The following SGCZ variants were observed in gnomAD, a reference collection of about 807,000 sequenced individuals.
The protein encoded by SGCZ is zeta-sarcoglycan.
SGCZ carries 40 observed loss-of-function variants against 41.3 expected under a neutral mutation model. The ratio of observed to expected loss-of-function variants is 0.97; its 90% CI spans 0.75 to 1.26. The LOEUF (loss-of-function observed/expected upper bound fraction) is 1.26, where lower values mean the gene tolerates loss of function less well. Among genes scored for constraint, SGCZ ranks in the 50% most tolerant of loss-of-function variants. The probability of loss-of-function intolerance (pLI) is 0.00; values close to 1 mark genes in which losing one functional copy is unlikely to be tolerated. For synonymous variants in SGCZ, 206 were observed against 137.5 expected, an observed-to-expected ratio of 1.50 and a Z score of -3.49; for missense variants, 552 against 369.8, an observed-to-expected ratio of 1.49 and a Z score of -4.04.
chr8:14,771,804 T>C (rs2130395171), intron 1 of SGCZ, among the ~76,000 whole-genome samples: 1 of 152,266 alleles, frequency 6.6e-6, no homozygotes, highest in South Asian at 2.1e-4. Flanking sequence ...ACATTAATGA[T>C]AAATAATTTG....
At chr8:14,183,386 C>T (rs1395875354) in intron 4 of SGCZ, among the ~76,000 whole-genome samples, 2 of 152,182 alleles carry the variant, frequency 1.3e-5, no homozygotes, top group Non-Finnish European at 2.9e-5. Context: ...ATGGGAAACA[C>T]TCTCCAACAG....
intron 2 of SGCZ, among the ~76,000 whole-genome samples, chr8:14,434,608 G>C (rs918191023): frequency 6.6e-6 from 1 of 152,158 alleles, no homozygotes; most frequent in African/African-American, 2.4e-5. Context: ...AGAATAGGAT[G>C]TGTTTCAATT....
At chr8:14,425,729 T>G (rs766562214) in intron 2 of SGCZ, among the ~76,000 whole-genome samples, 27 of 152,210 alleles carry the variant, frequency 1.8e-4, no homozygotes, top group Non-Finnish European at 3.4e-4. Context: ...TTTGCTATGT[T>G]TCTTAGTTTT....
intron 2 of SGCZ, among the ~76,000 whole-genome samples, chr8:14,530,302 A>C (rs1803087016): frequency 6.6e-6 from 1 of 152,086 alleles, no homozygotes; most frequent in African/African-American, 2.4e-5. Context: ...ATCTTATATG[A>C]AAATTTTTTA....
At chr8:14,476,052 T>A (rs1449526956) in intron 2 of SGCZ, among the ~76,000 whole-genome samples, 1 of 152,086 alleles carries the variant, frequency 6.6e-6, no homozygotes, top group Non-Finnish European at 1.5e-5. Flanking sequence ...GCAAATCTTC[T>A]ACCTTACTTC....
intron 1 of SGCZ, among the ~76,000 whole-genome samples, chr8:15,097,819 TGTGTATATATATATACGTGTG>T (rs1806415855): frequency 1.8e-5 from 1 of 56,560 alleles, no homozygotes; most frequent in Non-Finnish European, 3.9e-5. Flanking sequence ...TATATACGTG[TGTGTATATATATATACGTGTG>T]TGTATATATA....
intron 4 of SGCZ, among the ~76,000 whole-genome samples, chr8:14,191,312 C>T (rs1805092899): frequency 6.6e-6 from 1 of 151,834 alleles, no homozygotes; most frequent in Admixed American, 6.6e-5. Flanking sequence ...TGATTATTTC[C>T]TTTGCTGTGT....
chr8:14,333,533 T>A (rs934026122), intron 2 of SGCZ, among the ~76,000 whole-genome samples: 32 of 152,116 alleles, frequency 2.1e-4, no homozygotes, highest in Admixed American at 2.1e-3. Context: ...AAAAAAAAGT[T>A]ACTTTTTCAA....
At chr8:15,095,746 A>C (rs1806324755) in intron 1 of SGCZ, among the ~76,000 whole-genome samples, 1 of 152,200 alleles carries the variant, frequency 6.6e-6, no homozygotes, top group African/African-American at 2.4e-5. Context: ...GTCGTGGCTC[A>C]TAGTTTCAAA....
At chr8:14,783,733 G>A (rs546424109) in intron 1 of SGCZ, among the ~76,000 whole-genome samples, 1 of 151,868 alleles carries the variant, frequency 6.6e-6, no homozygotes, top group Non-Finnish European at 1.5e-5. Flanking sequence ...TTTTCTATCT[G>A]GGATAATAAA....
At chr8:15,212,882 T>C (rs1801279386) in intron 1 of SGCZ, among the ~76,000 whole-genome samples, 1 of 152,064 alleles carries the variant, frequency 6.6e-6, no homozygotes, top group Non-Finnish European at 1.5e-5. Context: ...GTATTAACCT[T>C]CTATCTTTGG....
At chr8:14,737,798 C>A (rs1799089065) in intron 1 of SGCZ, among the ~76,000 whole-genome samples, 1 of 152,032 alleles carries the variant, frequency 6.6e-6, no homozygotes, top group South Asian at 2.1e-4. Flanking sequence ...TTTATAGAAA[C>A]TTTTTTCCAA....
At chr8:14,417,558 C>A (rs1238403155) in intron 2 of SGCZ, among the ~76,000 whole-genome samples, 1 of 151,750 alleles carries the variant, frequency 6.6e-6, no homozygotes, top group African/African-American at 2.4e-5. Context: ...ATTTCCCCCC[C>A]TTAATTTCGT....
intron 5 of SGCZ, among the ~76,000 whole-genome samples, chr8:14,123,283 T>A (rs534696000): frequency 6.6e-6 from 1 of 152,208 alleles, no homozygotes; most frequent in South Asian, 2.1e-4. Context: ...CAATCAGTAA[T>A]TGCCAATTAA....
chr8:14,807,024 T>A (rs1801558234), intron 1 of SGCZ, among the ~76,000 whole-genome samples: 1 of 152,078 alleles, frequency 6.6e-6, no homozygotes, highest in Non-Finnish European at 1.5e-5. Flanking sequence ...TTTGACAAAA[T>A]TCAACAACGC....
intron 4 of SGCZ, among the ~76,000 whole-genome samples, chr8:14,186,579 T>A (rs572775864): frequency 2.6e-4 from 39 of 152,306 alleles, no homozygotes; most frequent in Admixed American, 7.8e-4. Context: ...AAGTGCTTAG[T>A]TCCTAAGCAG....
intron 1 of SGCZ, among the ~76,000 whole-genome samples, chr8:14,754,709 T>C (rs1331837129): frequency 2.0e-5 from 3 of 152,114 alleles, no homozygotes; most frequent in African/African-American, 7.2e-5. Flanking sequence ...TCTCTCAATA[T>C]AGTTTGTTTT....
intron 4 of SGCZ, among the ~76,000 whole-genome samples, chr8:14,225,310 TA>T (rs1352962078): frequency 6.6e-6 from 1 of 152,026 alleles, no homozygotes; most frequent in Non-Finnish European, 1.5e-5. Context: ...TGTGAGAATA[TA>T]AAAAAGAAAA....
At chr8:14,237,564 G>C (rs1208701563) in intron 4 of SGCZ, 28 bp downstream of exon 4, 3 of 1,596,060 alleles carry the variant, frequency 1.9e-6, no homozygotes, top group Admixed American at 3.4e-5. Flanking sequence ...AAGCACAGTA[G>C]GAGCAATCTT....
Sources: gnomAD v4.1 joint callset for allele counts (sites outside exome capture counted in the v4.1 genomes callset) on GRCh38, gnomAD v4.1.1 for gene constraint, MANE v1.5 for transcripts, NCBI Gene and HGNC (gene_info 2026-07-23, HGNC 2026-07-21) for gene names.